MTDH: variants seen among roughly 807,000 people sequenced by gnomAD.
MTDH encodes the protein metadherin.
MTDH carries 34 observed loss-of-function variants against 72.7 expected under a neutral mutation model. The observed-to-expected ratio is 0.47, with a 90% confidence interval of 0.36 to 0.62. MTDH has a LOEUF of 0.62. MTDH is among the 20% of genes least tolerant of loss of function. MTDH has a pLI of 0.00. For missense variants in MTDH, 677 were observed against 699.4 expected (o/e 0.97, Z 0.36); for synonymous variants, 266 against 268.9 (o/e 0.99, Z 0.10).
At position 97,683,045 on chromosome 8, in the gene MTDH, C is replaced by CTTTTTTTTTTTTTTTTTTTTTTTTT. The variant is rs71271144; in HGVS notation, c.484-3610_484-3586dup. On this transcript the variant is annotated intron_variant, in intron 2 of 11. Transcript: ENST00000336273. Reference sequence around the variant, plus strand: ...CTTTACCCTATGATGCTCTTAGACACTTTTTTTTTTTTTTTTTTTTTTTTT... The same window carrying CTTTTTTTTTTTTTTTTTTTTTTTTT: ...CTTTACCCTATGATGCTCTTAGACACTTTTTTTTTTTTTTTTTTTTTTTTTTTTTTTTTTTTTTTTTTTTTTTTTT... 6.8e-5 allele frequency among the ~76,000 whole-genome samples: 3 copies of CTTTTTTTTTTTTTTTTTTTTTTTTT among 44,386 alleles called. 1 individual carries two copies. The highest frequency in any genetic ancestry group is 1.3e-4 in the Non-Finnish European group (3 of 22,954). 29.1% of individuals were successfully genotyped at this position (44,386 alleles called of 152,430 possible).
chr8:97,705,761 GACT>G (rs1191691959), intron 7 of MTDH, among the ~76,000 whole-genome samples: 1 of 152,324 alleles, frequency 6.6e-6, no homozygotes, highest in East Asian at 1.9e-4. Flanking sequence ...AATGAAACCT[GACT>G]ATAAGTAGAT....
Position 97,724,728 on chromosome 8 carries a change from GT to G in MTDH, c.*61del. 7.6e-7 allele frequency: 1 copy of G among 1,317,754 alleles called. No individual in the cohort carries two copies. Among genetic ancestry groups the G allele is most frequent in the Non-Finnish European group, 1.0e-6 (1 of 954,576 alleles). 81.6% of individuals were successfully genotyped at this position (1,317,754 alleles called of 1,614,324 possible). On this transcript the variant is annotated 3_prime_UTR_variant, in exon 12 of 12. Transcript: ENST00000336273. ...AAACACTTGTCTTGAAGATTATGCT[GT>G]TTATGCAATAATTTGTGAACATGTA... is the stretch of plus-strand genomic sequence containing the variant.
At chr8:97,712,568 C>A (rs1457663196) in intron 8 of MTDH, among the ~76,000 whole-genome samples, 1 of 152,164 alleles carries the variant, frequency 6.6e-6, no homozygotes, top group Non-Finnish European at 1.5e-5. Flanking sequence ...AAGTCTCTGT[C>A]TAAACATAAG....
rs543132855 is a variant in MTDH, at chr8:97,705,020, C to T, written c.1148-1606C>T. Among the ~76,000 whole-genome samples the T allele has an allele frequency of 3.0e-4, 46 of 152,308 alleles. No homozygotes were observed. In the South Asian group the frequency reaches 8.7e-3, roughly 29 times the overall value. On this transcript the variant is annotated intron_variant, in intron 7 of 11. Transcript: ENST00000336273. ...TGCATATAAAAGAATTGAGTAAGGC[C>T]GGGCACAGTGGCTCACGCCTGTAAT...
chr8:97,711,504 C>T (rs1814635021), intron 8 of MTDH, among the ~76,000 whole-genome samples: 1 of 151,626 alleles, frequency 6.6e-6, no homozygotes, highest in African/African-American at 2.4e-5. Flanking sequence ...ACAAACAAAA[C>T]AAGGCAGGAA....
At chr8:97,693,912 G>A (rs901934561) in intron 6 of MTDH, among the ~76,000 whole-genome samples, 2 of 151,496 alleles carry the variant, frequency 1.3e-5, no homozygotes, top group African/African-American at 4.8e-5. Context: ...AGACAGTTTC[G>A]CCATGTTGCC....
At position 97,655,251 on chromosome 8, in the gene MTDH, T is replaced by C. The variant is rs556033509; in HGVS notation, c.382-5821T>C. ...TTGTTTTGTACTTTACTATATGTTA[T>C]TGTATACCTGTCTTCCTTTACTAGG... On this transcript the variant is annotated intron_variant, in intron 1 of 11. Coordinates refer to ENST00000336273, the MANE Select transcript of MTDH (RefSeq NM_178812.4). Among the ~76,000 whole-genome samples, 5 of 152,340 alleles carry C rather than the reference T, an allele frequency of 3.3e-5. No homozygotes were observed. In the South Asian group the frequency reaches 1.0e-3, roughly 32 times the overall value.
rs1230678718 is a variant in MTDH at position 97,727,626 on chromosome 8, C to A, written c.*2956C>A. The A allele has an allele frequency of 6.6e-6, 1 of 152,036 alleles. No individual in the cohort carries two copies. The highest frequency in any genetic ancestry group is 1.5e-5 in the Non-Finnish European group (1 of 68,018). The allele number at this position is 152,036 out of a possible 1,614,324, so 9.4% of individuals were successfully genotyped here. Reference sequence around the variant, plus strand: ...CTCCTATGGTGGCATGAATAAGATGCTTCCAGAACTAGTAGGGAAATAACT... The same window carrying A: ...CTCCTATGGTGGCATGAATAAGATGATTCCAGAACTAGTAGGGAAATAACT... On this transcript the variant is annotated 3_prime_UTR_variant, in exon 12 of 12. Coordinates refer to ENST00000336273, the MANE Select transcript of MTDH (RefSeq NM_178812.4).
chr8:97,723,390 T>TC (rs1386711896), intron 11 of MTDH, among the ~76,000 whole-genome samples: 1 of 149,022 alleles, frequency 6.7e-6, no homozygotes, highest in African/African-American at 2.5e-5. Context: ...AGAGCGAGAC[T>TC]CCGTCTCAAA....
In MTDH at chr8:97,706,625, G is replaced by T; in HGVS notation, c.1148-1G>T. 1 of 1,577,176 alleles carries T rather than the reference G, an allele frequency of 6.3e-7. No individual in the cohort carries two copies. ...GCCTAATTCACACTGTTAAATTTTA[G>T]ATGGTCTGTCTTCTGCTGATCCCAA... On this transcript the variant is annotated splice_acceptor_variant, in intron 7 of 11. Transcript: ENST00000336273. LOFTEE classifies it high-confidence loss of function.
At chr8:97,698,800 T>G (rs1056127344) in intron 6 of MTDH, among the ~76,000 whole-genome samples, 1 of 152,234 alleles carries the variant, frequency 6.6e-6, no homozygotes, top group Non-Finnish European at 1.5e-5. Context: ...ATTTCTATTG[T>G]GTTTTATTTT....
intron 9 of MTDH, among the ~76,000 whole-genome samples, chr8:97,716,203 A>G (rs1814863136): frequency 1.3e-5 from 2 of 152,016 alleles, no homozygotes; most frequent in South Asian, 4.1e-4. Flanking sequence ...CCTGACCAAC[A>G]TGGAGAAACC....
intron 2 of MTDH, among the ~76,000 whole-genome samples, chr8:97,666,291 A>G (rs1812382648): frequency 6.6e-6 from 1 of 152,222 alleles, no homozygotes; most frequent in Non-Finnish European, 1.5e-5. Flanking sequence ...AAGTATTAAT[A>G]AGGTCTTAAA....
At chr8:97,699,907 C>A in intron 7 of MTDH, 55 bp downstream of exon 7, 2 of 1,122,898 alleles carry the variant, frequency 1.8e-6, no homozygotes, top group Non-Finnish European at 2.7e-6. Flanking sequence ...CTTTCTAGCA[C>A]CCTGAATTCA....
chr8:97,711,616 C>T (rs936962868), intron 8 of MTDH, among the ~76,000 whole-genome samples: 1 of 152,118 alleles, frequency 6.6e-6, no homozygotes, highest in Non-Finnish European at 1.5e-5. Flanking sequence ...CCATCCCCAC[C>T]GCTCCCCACC....
chr8:97,701,901 A>G (rs1224626265), intron 7 of MTDH, among the ~76,000 whole-genome samples: 3 of 152,242 alleles, frequency 2.0e-5, no homozygotes, highest in Non-Finnish European at 4.4e-5. Context: ...TATGTATCAG[A>G]AACACCATCT....
intron 2 of MTDH, among the ~76,000 whole-genome samples, chr8:97,671,485 A>C (rs1184932186): frequency 6.6e-6 from 1 of 152,134 alleles, no homozygotes; most frequent in African/African-American, 2.4e-5. Flanking sequence ...TCATTATATA[A>C]CGTATAATTT....
At chr8:97,675,881 A>C (rs1204587743) in intron 2 of MTDH, among the ~76,000 whole-genome samples, 1 of 152,102 alleles carries the variant, frequency 6.6e-6, no homozygotes, top group African/African-American at 2.4e-5. Context: ...ACAAAAAAAA[A>C]AGAATTTACA....
chr8:97,697,119 C>CAAAAAAAAAAAAAAAAAAAAAAAAAAA (rs1176302781), intron 6 of MTDH, among the ~76,000 whole-genome samples: 1 of 63,054 alleles, frequency 1.6e-5, no homozygotes. Context: ...CTCTGTCTCA[C>CAAAAAAAAAAAAAAAAAAAAAAAAAAA]AAAAAAAAAA....
Sources: gnomAD v4.1 joint callset for allele counts (sites outside exome capture counted in the v4.1 genomes callset) on GRCh38, gnomAD v4.1.1 for gene constraint, MANE v1.5 for transcripts, NCBI Gene and HGNC (gene_info 2026-07-23, HGNC 2026-07-21) for gene names.